OSBPL8: variants seen among roughly 807,000 people sequenced by gnomAD.
OSBPL8 encodes the protein oxysterol-binding protein-related protein 8.
In OSBPL8, 59 loss-of-function variants were observed where a neutral mutation model predicts 125.5. The observed-to-expected ratio is 0.47, with a 90% CI of 0.38 to 0.58. The LOEUF is 0.58. Among genes scored for constraint, OSBPL8 ranks in the 20% least tolerant of loss-of-function variants. The pLI, the probability that OSBPL8 is intolerant of heterozygous loss-of-function variation, is 0.00. For synonymous variants in OSBPL8, 330 were observed against 338.9 expected (o/e 0.97, Z 0.29); for missense variants, 758 against 1,047.8 (o/e 0.72, Z 3.82).
chr12:76,389,537 T>C, intron 12 of OSBPL8, 108 bp downstream of exon 12: 5 of 859,766 alleles, frequency 5.8e-6, no homozygotes, highest in Non-Finnish European at 8.6e-6. Flanking sequence ...GAGAGTGATG[T>C]CTCATTAGAG....
At chr12:76,530,986 A>G (rs898859715) in intron 1 of OSBPL8, among the ~76,000 whole-genome samples, 1 of 152,236 alleles carries the variant, frequency 6.6e-6, no homozygotes, top group Non-Finnish European at 1.5e-5. Flanking sequence ...ATTAAATGTT[A>G]TAGTACCATT....
chr12:76,367,705 T>C (rs533197231), intron 21 of OSBPL8, among the ~76,000 whole-genome samples: 2 of 152,320 alleles, frequency 1.3e-5, no homozygotes, highest in African/African-American at 4.8e-5. Flanking sequence ...TCATTTTCTT[T>C]TGTGTGTATT....
chr12:76,499,911 T>C (rs1162091388), intron 1 of OSBPL8, among the ~76,000 whole-genome samples: 1 of 152,092 alleles, frequency 6.6e-6, no homozygotes, highest in East Asian at 1.9e-4. Flanking sequence ...CAAGTTTCCC[T>C]TACTCTCAAT....
At chr12:76,385,936 G>T (rs1331285438) in intron 14 of OSBPL8, 1 of 505,742 alleles carries the variant, frequency 2.0e-6, no homozygotes, top group East Asian at 5.2e-5. Flanking sequence ...GCATAGCAAA[G>T]GAAAAATAAA....
chr12:76,520,711 A>C (rs1177106784), intron 1 of OSBPL8, among the ~76,000 whole-genome samples: 1 of 152,126 alleles, frequency 6.6e-6, no homozygotes, highest in Non-Finnish European at 1.5e-5. Context: ...GTTCCATCAG[A>C]GATAATGAGA....
At position 76,413,655 on chromosome 12, in the gene OSBPL8, C is replaced by A. The variant is rs1223784607; in HGVS notation, c.218-3021G>T. 2.0e-5 allele frequency among the ~76,000 whole-genome samples: 3 copies of A among 152,148 alleles called. No homozygotes were observed. The East Asian group carries it at 5.8e-4, about 29-fold the overall frequency. Reference sequence around the variant, plus strand: ...AATATTTTTGGCAGTCTGGTGGATGCACAGTAGTTTGTCAGTGAAGTTTTA... The same window carrying A: ...AATATTTTTGGCAGTCTGGTGGATGAACAGTAGTTTGTCAGTGAAGTTTTA... On this transcript the variant is annotated intron_variant, in intron 4 of 23. Coordinates refer to ENST00000261183, the MANE Select transcript of OSBPL8 (RefSeq NM_020841.5).
chr12:76,390,354 T>G (rs1221481447), intron 11 of OSBPL8, 66 bp downstream of exon 11: 7 of 1,194,006 alleles, frequency 5.9e-6, no homozygotes, highest in African/African-American at 3.1e-5. Flanking sequence ...AATAATATCT[T>G]CAATTTCATT....
intron 4 of OSBPL8, among the ~76,000 whole-genome samples, chr12:76,441,678 A>G (rs1565899897): frequency 6.6e-6 from 1 of 152,132 alleles, no homozygotes. Context: ...AAATATATAA[A>G]AGAACATTTT....
At chr12:76,534,017 C>T (rs1206446282) in intron 1 of OSBPL8, among the ~76,000 whole-genome samples, 1 of 152,086 alleles carries the variant, frequency 6.6e-6, no homozygotes, top group Non-Finnish European at 1.5e-5. Flanking sequence ...ACCTTTTCTC[C>T]TAATATTTTT....
At chr12:76,391,142 T>C (rs989408839) in intron 10 of OSBPL8, among the ~76,000 whole-genome samples, 13 of 152,138 alleles carry the variant, frequency 8.5e-5, no homozygotes, top group African/African-American at 3.1e-4. Flanking sequence ...TCACCTCACA[T>C]GAGTCCAAGA....
chr12:76,512,053 C>A (rs769741942), intron 1 of OSBPL8, among the ~76,000 whole-genome samples: 1 of 152,140 alleles, frequency 6.6e-6, no homozygotes, highest in Non-Finnish European at 1.5e-5. Context: ...GTTCGTTGAA[C>A]ATATTATTAC....
chr12:76,451,930 C>G (rs1040770584), intron 3 of OSBPL8, among the ~76,000 whole-genome samples: 62 of 152,186 alleles, frequency 4.1e-4, no homozygotes, highest in African/African-American at 1.2e-3. Flanking sequence ...ACCATCCTGG[C>G]CAACGTGGCG....
At chr12:76,386,043 T>C (rs1953294797) in intron 14 of OSBPL8, 125 bp downstream of exon 14, 3 of 1,372,880 alleles carry the variant, frequency 2.2e-6, no homozygotes, top group Admixed American at 5.8e-5. Context: ...AAAGGTTAAA[T>C]GTTTACCAAA....
In OSBPL8 at chr12:76,528,695, C is replaced by G. The variant is rs531397977; in HGVS notation, c.-68+30702G>C. Among the ~76,000 whole-genome samples the G allele has an allele frequency of 2.0e-5, 3 of 151,986 alleles. No individual in the cohort carries two copies. The East Asian group carries it at 5.8e-4, about 29-fold the overall frequency. ...AATCACACACACACACACACCCACA[C>G]AACGATATAGCTATAGTATTAGCTA... On this transcript the variant is annotated intron_variant, in intron 1 of 23. Transcript: ENST00000261183.
chr12:76,407,292 C>G (rs948440754), intron 5 of OSBPL8, among the ~76,000 whole-genome samples: 2 of 152,180 alleles, frequency 1.3e-5, no homozygotes, highest in African/African-American at 4.8e-5. Flanking sequence ...CACTTTGTCT[C>G]TCAGGCCAGA....
intron 1 of OSBPL8, among the ~76,000 whole-genome samples, chr12:76,556,346 GCT>G (rs2085720064): frequency 6.6e-6 from 1 of 152,030 alleles, no homozygotes; most frequent in Non-Finnish European, 1.5e-5. Context: ...TCCGAAAATA[GCT>G]CTCTCCCTTG....
In OSBPL8 at chr12:76,559,599, G is replaced by C. The variant is rs1001541855; in HGVS notation, c.-270C>G. On this transcript the variant is annotated 5_prime_UTR_variant, in exon 1 of 24. Coordinates refer to ENST00000261183, the MANE Select transcript of OSBPL8 (RefSeq NM_020841.5). The stretch of plus-strand genomic sequence containing the variant: ...GCACTGCCGGCTCAGCCCCCGAGCG[G>C]GGCGGGAACTTTCGGCCCCGAGGTC... 1 of 152,230 alleles carries C rather than the reference G, an allele frequency of 6.6e-6. No individual in the cohort carries two copies. The highest frequency in any genetic ancestry group is 6.5e-5 in the Admixed American group (1 of 15,288). The allele number at this position is 152,230 out of a possible 1,614,324, so 9.4% of individuals were successfully genotyped here. A position where few individuals can be genotyped will look rare whatever the true frequency, so the allele number is the denominator to read the frequency against.
At chr12:76,551,248 TC>T (rs1950928081) in intron 1 of OSBPL8, among the ~76,000 whole-genome samples, 2 of 152,232 alleles carry the variant, frequency 1.3e-5, no homozygotes, top group African/African-American at 4.8e-5. Flanking sequence ...ATAGTTTCTT[TC>T]CATTTAAAAT....
At position 76,517,729 on chromosome 12, in the gene OSBPL8, A is replaced by T. The variant is rs1422144032; in HGVS notation, c.-67-30111T>A. ...TCTGGCATCTGCTCAGCTTCTGATG[A>T]GGCTTCACTGAGCTTTTACTCATGG... On this transcript the variant is annotated intron_variant, in intron 1 of 23. Transcript: ENST00000261183. Among the ~76,000 whole-genome samples, 6 of 152,156 alleles carry T rather than the reference A, an allele frequency of 3.9e-5. No individual in the cohort carries two copies. In the East Asian group the frequency reaches 9.6e-4, roughly 24 times the overall value.
Sources: gnomAD v4.1 joint callset for allele counts (sites outside exome capture counted in the v4.1 genomes callset) on GRCh38, gnomAD v4.1.1 for gene constraint, MANE v1.5 for transcripts, NCBI Gene and HGNC (gene_info 2026-07-23, HGNC 2026-07-21) for gene names.